The following SLC8A1 variants were observed in gnomAD, a reference collection of about 807,000 sequenced individuals.
SLC8A1 encodes the protein sodium/calcium exchanger 1.
A neutral mutation model predicts 68.3 loss-of-function variants in SLC8A1; 18 were observed. That is an observed-to-expected ratio of 0.26 (90% CI 0.18 to 0.39). SLC8A1 has a LOEUF of 0.39. Among genes scored for constraint, SLC8A1 ranks in the 10% least tolerant of loss-of-function variants. SLC8A1 has a pLI of 1.00. For synonymous variants in SLC8A1, 475 were observed against 415.5 expected (o/e 1.14, Z -1.74); for missense variants, 985 against 1,156.7 (o/e 0.85, Z 2.15).
intron 2 of SLC8A1, chr2:40,177,877 G>C (rs1206308092): frequency 6.8e-7 from 1 of 1,470,416 alleles, no homozygotes; most frequent in East Asian, 2.5e-5. Context: ...CAAGACAAAG[G>C]CAAAACAAAT....
intron 2 of SLC8A1, among the ~76,000 whole-genome samples, chr2:40,293,633 A>G (rs1206542743): frequency 6.6e-6 from 1 of 152,100 alleles, no homozygotes; most frequent in Admixed American, 6.6e-5. Flanking sequence ...AAATCACTCT[A>G]TTGATGCTAA....
intron 1 of SLC8A1, among the ~76,000 whole-genome samples, chr2:40,477,739 C>T (rs962258973): frequency 6.6e-6 from 1 of 151,880 alleles, no homozygotes; most frequent in Non-Finnish European, 1.5e-5. Context: ...TGTGCCTGTG[C>T]GTAGTGTGTA....
intron 2 of SLC8A1, among the ~76,000 whole-genome samples, chr2:40,354,193 G>A (rs2149455414): frequency 1.3e-5 from 2 of 152,222 alleles, no homozygotes; most frequent in East Asian, 1.9e-4. Context: ...TCCCAACTTT[G>A]CAATGAAGTA....
chr2:40,472,689 C>A (rs1340163876), intron 1 of SLC8A1, among the ~76,000 whole-genome samples: 2 of 152,082 alleles, frequency 1.3e-5, no homozygotes, highest in Non-Finnish European at 2.9e-5. Context: ...TCAACACCTA[C>A]CATGGCCCAT....
intron 4 of SLC8A1, 95 bp downstream of exon 7, chr2:40,170,186 C>T (rs1404895961): frequency 1.4e-5 from 15 of 1,079,750 alleles, no homozygotes; most frequent in Non-Finnish European, 2.0e-5. Flanking sequence ...CAATGTTTTA[C>T]AGAGGAGAGG....
At chr2:40,406,448 A>G (rs1690370944) in intron 2 of SLC8A1, among the ~76,000 whole-genome samples, 1 of 152,248 alleles carries the variant, frequency 6.6e-6, no homozygotes. Context: ...ATAATAAATA[A>G]ACGTCAGAAA....
At chr2:40,269,292 C>G (rs2065736325) in intron 2 of SLC8A1, among the ~76,000 whole-genome samples, 1 of 152,192 alleles carries the variant, frequency 6.6e-6, no homozygotes, top group African/African-American at 2.4e-5. Flanking sequence ...CATTCAAACT[C>G]AGGTCTTATG....
At chr2:40,321,180 T>C (rs1559231245) in intron 2 of SLC8A1, among the ~76,000 whole-genome samples, 1 of 152,170 alleles carries the variant, frequency 6.6e-6, no homozygotes, top group South Asian at 2.1e-4. Context: ...AGTCTTTCTG[T>C]CGTACAAATC....
intron 2 of SLC8A1, among the ~76,000 whole-genome samples, chr2:40,329,094 A>G (rs1053673946): frequency 6.7e-6 from 1 of 149,968 alleles, no homozygotes; most frequent in Admixed American, 6.6e-5. Context: ...ACACACACAC[A>G]CACACACGCA....
intron 2 of SLC8A1, among the ~76,000 whole-genome samples, chr2:40,347,897 A>G (rs75171778): frequency 0.028 from 4,277 of 152,268 alleles, 82 homozygotes; most frequent in Non-Finnish European, 0.042. Flanking sequence ...AAAATAAAAC[A>G]ATGGCTTACG....
chr2:40,408,928 AAAGAT>A (rs1324468591), intron 2 of SLC8A1, among the ~76,000 whole-genome samples: 2 of 152,294 alleles, frequency 1.3e-5, no homozygotes, highest in African/African-American at 2.4e-5. Context: ...GGAACAAAAG[AAAGAT>A]AAGAGAAAAA....
chr2:40,281,259 G>A (rs2067474830), intron 2 of SLC8A1, among the ~76,000 whole-genome samples: 1 of 151,004 alleles, frequency 6.6e-6, no homozygotes. Flanking sequence ...TAAAAAAAAA[G>A]GGTTGGGGGG....
intron 2 of SLC8A1, among the ~76,000 whole-genome samples, chr2:40,312,684 A>G (rs2073889066): frequency 6.6e-6 from 1 of 152,130 alleles, no homozygotes; most frequent in Non-Finnish European, 1.5e-5. Flanking sequence ...ACAAGATAAG[A>G]TTGCATACCA....
chr2:40,445,240 G>A (rs1032872657), intron 1 of SLC8A1, among the ~76,000 whole-genome samples: 3 of 152,108 alleles, frequency 2.0e-5, no homozygotes, highest in South Asian at 2.1e-4. Context: ...GAATTCAAAC[G>A]AATGTTATAA....
At chr2:40,104,227 G>A (rs2034064555) in exon 8 of SLC8A1, 1 of 152,182 alleles carries the variant, frequency 6.6e-6, no homozygotes, top group South Asian at 2.1e-4. Flanking sequence ...CACTGAAATA[G>A]AACCACATGC....
At chr2:40,325,294 G>C (rs949302945) in intron 2 of SLC8A1, among the ~76,000 whole-genome samples, 3 of 152,168 alleles carry the variant, frequency 2.0e-5, no homozygotes, top group Non-Finnish European at 4.4e-5. Context: ...TTTTGAGGTA[G>C]GGCAGGAAGA....
intron 2 of SLC8A1, among the ~76,000 whole-genome samples, chr2:40,409,537 G>C (rs994474795): frequency 6.6e-5 from 10 of 152,080 alleles, no homozygotes; most frequent in African/African-American, 1.7e-4. Flanking sequence ...CATTTATCAA[G>C]AGCAGGTATG....
chr2:40,286,502 G>A (rs1056129529), intron 2 of SLC8A1, among the ~76,000 whole-genome samples: 2 of 152,158 alleles, frequency 1.3e-5, no homozygotes, highest in African/African-American at 2.4e-5. Flanking sequence ...TGTGACCAGT[G>A]AACTCCGTGG....
chr2:40,492,156 A>T (rs1434736112), intron 1 of SLC8A1, among the ~76,000 whole-genome samples: 2 of 152,076 alleles, frequency 1.3e-5, no homozygotes, highest in African/African-American at 4.8e-5. Flanking sequence ...ATATAGATCA[A>T]TGGAACAGAA....
Sources: allele counts gnomAD v4.1 joint callset (sites outside exome capture counted in the v4.1 genomes callset), GRCh38; gene constraint gnomAD v4.1.1; transcripts MANE v1.5; gene names NCBI Gene and HGNC (gene_info 2026-07-23, HGNC 2026-07-21).